Variants in MSRB2 observed in about 807,000 individuals in gnomAD.
MSRB2 encodes the protein methionine sulfoxide reductase B2.
In MSRB2, 17 loss-of-function variants were observed where a neutral mutation model predicts 19.0. The observed-to-expected ratio is 0.89, with a 90% CI of 0.61 to 1.34. The LOEUF (loss-of-function observed/expected upper bound fraction) is 1.34. Among genes scored for constraint, MSRB2 ranks in the 40% most tolerant of loss-of-function variants. MSRB2 has a pLI of 0.00. For missense variants in MSRB2, 208 were observed against 237.6 expected (o/e 0.88, Z 0.82); for synonymous variants, 107 against 99.7 (o/e 1.07, Z -0.44).
intron 2 of MSRB2, among the ~76,000 whole-genome samples, chr10:23,108,974 G>A: frequency 6.6e-6 from 1 of 152,224 alleles, no homozygotes; most frequent in East Asian, 1.9e-4. Context: ...ACAGCTCACT[G>A]CAAATGTGCT....
chr10:23,102,907 A>G (rs143298268), intron 1 of MSRB2, among the ~76,000 whole-genome samples: 5 of 152,326 alleles, frequency 3.3e-5, no homozygotes, highest in African/African-American at 1.2e-4. Flanking sequence ...AATACCCCAA[A>G]AATCATGTGT....
chr10:23,101,421 T>C (rs1050432138), intron 1 of MSRB2, among the ~76,000 whole-genome samples: 4 of 152,246 alleles, frequency 2.6e-5, no homozygotes, highest in African/African-American at 9.6e-5. Context: ...TTGATGGGCA[T>C]TTGTGTTGGC....
chr10:23,118,082 T>G (rs2131634057), intron 3 of MSRB2, among the ~76,000 whole-genome samples: 1 of 152,312 alleles, frequency 6.6e-6, no homozygotes, highest in South Asian at 2.1e-4. Context: ...TGCACACATA[T>G]TTTTAAATTC....
Position 23,120,894 on chromosome 10 carries a change from C to A in MSRB2, c.*32C>A. ...TCAAGAGTCCCGTTCCCTTGCCACC[C>A]CTTCACGTGCACCCTCAATTTCCAC... On this transcript the variant is annotated 3_prime_UTR_variant, in exon 5 of 5. Coordinates refer to ENST00000376510, the MANE Select transcript of MSRB2 (RefSeq NM_012228.4). The A allele has an allele frequency of 1.3e-6, 2 of 1,496,568 alleles. No homozygotes were observed. The highest frequency in any genetic ancestry group is 1.9e-6 in the Non-Finnish European group (2 of 1,077,630). 92.7% of individuals were successfully genotyped at this position (1,496,568 alleles called of 1,614,324 possible). A position where few individuals can be genotyped will look rare whatever the true frequency, so the allele number is the denominator to read the frequency against.
intron 2 of MSRB2, among the ~76,000 whole-genome samples, chr10:23,104,489 G>A (rs1564428159): frequency 6.6e-6 from 1 of 151,972 alleles, no homozygotes; most frequent in Non-Finnish European, 1.5e-5. Flanking sequence ...TCCATGCACC[G>A]CTGTCACCTC....
intron 1 of MSRB2, among the ~76,000 whole-genome samples, chr10:23,098,429 G>A (rs1839890763): frequency 2.6e-5 from 4 of 152,216 alleles, no homozygotes; most frequent in African/African-American, 9.7e-5. Context: ...CACACAGAGA[G>A]AAGGGAACTC....
At chr10:23,103,578 T>C (rs1371494935) in intron 1 of MSRB2, among the ~76,000 whole-genome samples, 1 of 152,144 alleles carries the variant, frequency 6.6e-6, no homozygotes, top group Non-Finnish European at 1.5e-5. Context: ...TCATAATAGA[T>C]TATGGTAGGT....
chr10:23,119,643 T>G (rs1018726615), intron 4 of MSRB2, among the ~76,000 whole-genome samples, 192 bp downstream of exon 4: 9 of 152,124 alleles, frequency 5.9e-5, no homozygotes, highest in African/African-American at 1.7e-4. Context: ...TCGCTCTGTT[T>G]TGCAGGCTGG....
At chr10:23,098,606 G>C (rs973736066) in intron 1 of MSRB2, among the ~76,000 whole-genome samples, 1 of 152,214 alleles carries the variant, frequency 6.6e-6, no homozygotes, top group Non-Finnish European at 1.5e-5. Flanking sequence ...GCAGAGGACA[G>C]AAAATACCTG....
At chr10:23,117,781 G>A (rs542732342) in intron 3 of MSRB2, among the ~76,000 whole-genome samples, 46 of 152,228 alleles carry the variant, frequency 3.0e-4, no homozygotes, top group African/African-American at 1.1e-3. Context: ...AGTAGAGAGG[G>A]GGTTTCACCA....
chr10:23,107,487 A>G (rs990007437), intron 2 of MSRB2, among the ~76,000 whole-genome samples: 1 of 152,224 alleles, frequency 6.6e-6, no homozygotes, highest in Non-Finnish European at 1.5e-5. Flanking sequence ...ATTTTTCTAT[A>G]ATAAACAACC....
chr10:23,105,674 C>T lies in MSRB2; in HGVS notation c.219+1430C>T, dbSNP rs1040976528. Among the ~76,000 whole-genome samples the T allele has an allele frequency of 4.6e-5, 7 of 152,266 alleles. No homozygotes were observed. The East Asian group carries it at 1.3e-3, about 29-fold the overall frequency. On this transcript the variant is annotated intron_variant, in intron 2 of 4. Coordinates refer to ENST00000376510, the MANE Select transcript of MSRB2 (RefSeq NM_012228.4). ...GATATTTTTACTAGTGAAGCAGATCCCACAGAGTGGACCCCAGCCCTGTGG... is the reference window on the plus strand; with the variant it reads ...GATATTTTTACTAGTGAAGCAGATCTCACAGAGTGGACCCCAGCCCTGTGG...
chr10:23,115,889 C>A (rs576731316), intron 3 of MSRB2, among the ~76,000 whole-genome samples: 70 of 152,228 alleles, frequency 4.6e-4, no homozygotes, highest in African/African-American at 1.6e-3. Context: ...AATTCTCAAT[C>A]AAAATACCTT....
At chr10:23,113,247 T>A (rs1236659502) in intron 3 of MSRB2, among the ~76,000 whole-genome samples, 1 of 152,244 alleles carries the variant, frequency 6.6e-6, no homozygotes, top group East Asian at 1.9e-4. Context: ...CTGCTCCAGC[T>A]TGGCTGCTTC....
intron 3 of MSRB2, among the ~76,000 whole-genome samples, chr10:23,110,701 T>A (rs1840041782): frequency 1.3e-5 from 2 of 152,000 alleles, no homozygotes; most frequent in Non-Finnish European, 2.9e-5. Context: ...TGATTAAAAC[T>A]CTCTCCCAGG....
intron 3 of MSRB2, among the ~76,000 whole-genome samples, chr10:23,115,455 G>C (rs890367413): frequency 6.6e-6 from 1 of 152,174 alleles, no homozygotes; most frequent in Non-Finnish European, 1.5e-5. Context: ...AAAACCTTCT[G>C]TATGCCCCAT....
intron 2 of MSRB2, 101 bp downstream of exon 2, chr10:23,104,345 C>A: frequency 1.2e-6 from 1 of 820,798 alleles, no homozygotes; most frequent in Non-Finnish European, 1.9e-6. Context: ...AGCAACACTC[C>A]ACAGGCCTGG....
chr10:23,116,033 GA>G (rs1365799941), intron 3 of MSRB2, among the ~76,000 whole-genome samples: 2 of 152,060 alleles, frequency 1.3e-5, no homozygotes, highest in Non-Finnish European at 2.9e-5. Context: ...CAAAGAATCC[GA>G]CCTGAATATG....
rs745379676 is a variant in MSRB2, at chr10:23,104,218, G to C, written c.193G>C (p.Val65Leu). Residue 65 changes from valine to leucine, a missense_variant, in exon 2 of 5, where the codon GTC (valine) becomes CTC (leucine). By Grantham distance (32) the Val-to-Leu change is conservative (BLOSUM62 1). Transcript: ENST00000376510. ...QKKLTPEQFY[V>L]TREKGTEPPF... ...GAAACTAACCCCGGAGCAGTTCTAC[G>C]TCACAAGAGAAAAGGGAACGGAACC... is the stretch of plus-strand genomic sequence containing the variant. The C allele has an allele frequency of 1.2e-6, 2 of 1,613,686 alleles. No individual in the cohort carries two copies. Among genetic ancestry groups the C allele is most frequent in the Non-Finnish European group, 1.7e-6 (2 of 1,179,800 alleles).
Sources: gnomAD v4.1 joint callset for allele counts (sites outside exome capture counted in the v4.1 genomes callset) on GRCh38, gnomAD v4.1.1 for gene constraint, MANE v1.5 for transcripts, NCBI Gene and HGNC (gene_info 2026-07-23, HGNC 2026-07-21) for gene names.